The following MEGF6 variants were observed in gnomAD, a reference collection of about 807,000 sequenced individuals.
MEGF6 encodes the protein multiple EGF like domains 6.
In MEGF6, 184 loss-of-function variants were observed where a neutral mutation model predicts 207.1. That is an observed-to-expected ratio of 0.89 (90% CI 0.79 to 1.00). The LOEUF (loss-of-function observed/expected upper bound fraction) is 1.00, where lower values mean the gene tolerates loss of function less well. Ranked by LOEUF, MEGF6 falls within the 50% of genes least tolerant of loss-of-function variation. The pLI is 0.00. For synonymous variants in MEGF6, 1,038 were observed against 910.0 expected (o/e 1.14, Z -2.53); for missense variants, 2,282 against 2,202.9 (o/e 1.04, Z -0.72).
chr1:3,513,320 T>C (rs1284333654), intron 7 of MEGF6, among the ~76,000 whole-genome samples: 1 of 152,096 alleles, frequency 6.6e-6, no homozygotes, highest in Admixed American at 6.6e-5. Flanking sequence ...CAAGTGATTC[T>C]CCTGCCTCAG....
At position 3,498,450 on chromosome 1, in the gene MEGF6, G is replaced by C. The variant is rs1640706503; in HGVS notation, c.3273C>G (p.Cys1091Trp). The C allele has an allele frequency of 1.3e-6, 2 of 1,575,090 alleles. No homozygotes were observed. Among genetic ancestry groups the C allele is most frequent in the South Asian group, 2.3e-5 (2 of 87,902 alleles). Residue 1091 changes from cysteine to tryptophan, a missense_variant, in exon 26 of 37, where the codon TGC becomes TGG. Cys to Trp is a radical substitution (Grantham distance 215, BLOSUM62 -2). Transcript: ENST00000356575. ...GCGGGTCACACAGGCCCCCGTTGAGGCAACCGCCGCTGTGCCGGCAGCCAG... is the reference window on the plus strand; with the variant it reads ...GCGGGTCACACAGGCCCCCGTTGAGCCAACCGCCGCTGTGCCGGCAGCCAG... ...VRAGCRHSGG[C>W]LNGGLCDPHT...
chr1:3,620,667 G>A, the MEGF6 span, among the ~76,000 whole-genome samples: 1 of 152,254 alleles, frequency 6.6e-6, no homozygotes, highest in African/African-American at 2.4e-5. Context: ...CAGCCCTACA[G>A]GGTCAGTGGG....
intron 3 of MEGF6, among the ~76,000 whole-genome samples, chr1:3,587,318 G>A (rs1296923928): frequency 6.6e-6 from 1 of 152,262 alleles, no homozygotes; most frequent in Non-Finnish European, 1.5e-5. Context: ...TGCCACATCA[G>A]AGGCCCTTGT....
chr1:3,497,731 G>C (rs1640672443), intron 26 of MEGF6: 2 of 396,708 alleles, frequency 5.0e-6, no homozygotes, highest in East Asian at 1.4e-4. Flanking sequence ...GAGGCGACGG[G>C]AGCCAGCGAC....
At chr1:3,529,535 T>G (rs1167747379) in intron 4 of MEGF6, among the ~76,000 whole-genome samples, 1 of 152,218 alleles carries the variant, frequency 6.6e-6, no homozygotes, top group African/African-American at 2.4e-5. Flanking sequence ...AGGATCCTGC[T>G]GCTGCCCTCG....
rs764804153 is a variant in MEGF6, at chr1:3,500,655, G to A, written c.2685C>T (p.Tyr895=). Residue 895 remains tyrosine (Y), a synonymous_variant, in exon 21 of 37, where the codon TAC becomes TAT. Coordinates refer to ENST00000356575, the MANE Select transcript of MEGF6 (RefSeq NM_001409.4). The part of the protein sequence containing the change: ...ISGLCLCEAG[Y]VGPRCEQQCP... ...CACGCTGCTCGCACCGCGGGCCCAC[G>A]TAGCCAGCCTCACACAGACACAGGC... 30 of 1,564,980 alleles carry A rather than the reference G, an allele frequency of 1.9e-5. No homozygotes were observed. The East Asian group carries it at 3.8e-4, about 20-fold the overall frequency.
chr1:3,509,094 G>A lies in MEGF6; in HGVS notation c.1509C>T (p.His503=), dbSNP rs1180243750. The change falls in exon 12 of 37, where the codon CAC becomes CAT. Residue 503 remains histidine, a synonymous_variant. Coordinates refer to ENST00000356575, the MANE Select transcript of MEGF6 (RefSeq NM_001409.4). ...GCTCACCAAACTTCTCTGTGAGCGT[G>A]TGTTCGCCCCGCAACTCTGCCTCTT... ...DEEEAELRGE[H]TLTEKFVCLD... The A allele has an allele frequency of 1.3e-6, 2 of 1,597,678 alleles. No homozygotes were observed. Among genetic ancestry groups the A allele is most frequent in the South Asian group, 2.3e-5 (2 of 88,848 alleles).
chr1:3,542,721 T>C (rs552440100), intron 4 of MEGF6, among the ~76,000 whole-genome samples: 65 of 152,158 alleles, frequency 4.3e-4, no homozygotes, highest in Non-Finnish European at 7.6e-4. Flanking sequence ...AGAGAGAGAC[T>C]GGAGTTCAGA....
At position 3,569,040 on chromosome 1, in the gene MEGF6, G is replaced by A. The variant is rs1260888435; in HGVS notation, c.481+10785C>T. ...CACTCAGCTGGCAGCTGCCCGGTACGGGTCTGCCAGAGGCCAGGGCACAAC... is the reference window on the plus strand; with the variant it reads ...CACTCAGCTGGCAGCTGCCCGGTACAGGTCTGCCAGAGGCCAGGGCACAAC... On this transcript the variant is annotated intron_variant, in intron 4 of 36. Transcript: ENST00000356575. Among the ~76,000 whole-genome samples, 5 of 152,308 alleles carry A rather than the reference G, an allele frequency of 3.3e-5. No individual in the cohort carries two copies. In the South Asian group the frequency reaches 1.0e-3, roughly 32 times the overall value.
chr1:3,552,875 G>A (rs1368696651), intron 4 of MEGF6, among the ~76,000 whole-genome samples: 1 of 151,812 alleles, frequency 6.6e-6, no homozygotes, highest in Non-Finnish European at 1.5e-5. Context: ...CACCAGGTAA[G>A]CCTGCTGCTT....
rs1641475860 is a variant in MEGF6 at position 3,514,673 on chromosome 1, C to A, written c.731-1G>T. The A allele has an allele frequency of 1.3e-6, 2 of 1,574,634 alleles. No individual in the cohort carries two copies. The highest frequency in any genetic ancestry group is 1.7e-6 in the Non-Finnish European group (2 of 1,162,296). ...TTCCTGTTGGCACACGGGCTTCTAC[C>A]TGCAGCCACGGGCCCGAGGAGGGGG... On this transcript the variant is annotated splice_acceptor_variant, in intron 6 of 36. Coordinates refer to ENST00000356575, the MANE Select transcript of MEGF6 (RefSeq NM_001409.4). LOFTEE classifies it high-confidence loss of function.
chr1:3,491,131 G>C (rs574236310), intron 35 of MEGF6, among the ~76,000 whole-genome samples, 172 bp from the exon 36 acceptor site: 195 of 107,450 alleles, frequency 1.8e-3, no homozygotes, highest in Admixed American at 5.2e-3. Flanking sequence ...CGGGAGCTGG[G>C]GGGGGGGGCT....
At chr1:3,514,929 T>G (rs1400924720) in intron 6 of MEGF6, among the ~76,000 whole-genome samples, 3 of 152,068 alleles carry the variant, frequency 2.0e-5, no homozygotes, top group African/African-American at 7.2e-5. Context: ...CCCACCACCC[T>G]TCTTAGCCCA....
At chr1:3,616,480 G>A (rs1160646164), upstream of MEGF6, among the ~76,000 whole-genome samples, 2 of 152,146 alleles carry the variant, frequency 1.3e-5, no homozygotes, top group African/African-American at 2.4e-5. Context: ...GCCCCAGTCT[G>A]TGCCAGCACC....
intron 14 of MEGF6, among the ~76,000 whole-genome samples, chr1:3,507,095 T>C (rs761672289): frequency 1.3e-5 from 2 of 152,178 alleles, no homozygotes; most frequent in Non-Finnish European, 2.9e-5. Flanking sequence ...TAGGAAGCCC[T>C]GTGTGGCTGC....
intron 1 of MEGF6, among the ~76,000 whole-genome samples, chr1:3,607,082 G>A (rs1053371259): frequency 2.0e-5 from 3 of 151,910 alleles, no homozygotes; most frequent in African/African-American, 4.8e-5. Context: ...TCAGGGACAC[G>A]GCCGGGGTTA....
At chr1:3,498,605 G>T in intron 25 of MEGF6, 93 bp downstream of exon 25, 1 of 1,481,776 alleles carries the variant, frequency 6.7e-7, no homozygotes. Flanking sequence ...ACCCCAGGGC[G>T]CTGCCCCCTG....
intron 3 of MEGF6, among the ~76,000 whole-genome samples, chr1:3,583,870 G>A (rs61762198): frequency 0.031 from 452 of 14,702 alleles, 8 homozygotes; most frequent in Non-Finnish European, 0.037. Context: ...CAGACAACGC[G>A]CAGCCACCAG....
At chr1:3,617,818 C>T in the MEGF6 span, among the ~76,000 whole-genome samples, 1,528 of 152,276 alleles carry the variant, frequency 0.01, 11 homozygotes, top group Middle Eastern at 0.027. Flanking sequence ...GAGAGCGCAG[C>T]GTGGAGACCG....
Sources: gnomAD v4.1 joint callset for allele counts (sites outside exome capture counted in the v4.1 genomes callset) on GRCh38, gnomAD v4.1.1 for gene constraint, MANE v1.5 for transcripts, NCBI Gene and HGNC (gene_info 2026-07-23, HGNC 2026-07-21) for gene names.